The following ZNF280D variants were observed in gnomAD, a reference collection of about 807,000 sequenced individuals.
The protein encoded by ZNF280D is suppressor of hairy wing homolog 4.
A neutral mutation model predicts 94.7 loss-of-function variants in ZNF280D; 39 were observed. The observed-to-expected ratio is 0.41, with a 90% CI of 0.32 to 0.54. The LOEUF is 0.54. Among genes scored for constraint, ZNF280D ranks in the 20% least tolerant of loss-of-function variants. The pLI is 0.22. For synonymous variants in ZNF280D, 398 were observed against 377.6 expected (o/e 1.05, Z -0.63); for missense variants, 1,090 against 1,149.3 (o/e 0.95, Z 0.75).
At chr15:56,652,766 C>T (rs1488793108) in intron 19 of ZNF280D, 1 of 984,860 alleles carries the variant, frequency 1.0e-6, no homozygotes, top group African/African-American at 1.7e-5. Context: ...CACCTAAGAA[C>T]TCACAATTAA....
At chr15:56,675,073 CCT>C (rs1239834787) in intron 13 of ZNF280D, among the ~76,000 whole-genome samples, 1 of 151,952 alleles carries the variant, frequency 6.6e-6, no homozygotes, top group Non-Finnish European at 1.5e-5. Context: ...TAGACTGCCC[CCT>C]CTTTACTGCT....
At chr15:56,692,537 G>T (rs1052240205) in intron 7 of ZNF280D, among the ~76,000 whole-genome samples, 4 of 151,970 alleles carry the variant, frequency 2.6e-5, no homozygotes, top group African/African-American at 4.8e-5. Context: ...TACAATCAAA[G>T]AACTTTAAAT....
At chr15:56,728,718 C>A (rs561543659) in intron 1 of ZNF280D, among the ~76,000 whole-genome samples, 3 of 152,272 alleles carry the variant, frequency 2.0e-5, no homozygotes, top group African/African-American at 7.2e-5. Context: ...GTTCAACTTA[C>A]AACAATTTTC....
chr15:56,726,435 T>A (rs1227903267), intron 1 of ZNF280D, among the ~76,000 whole-genome samples: 1 of 152,148 alleles, frequency 6.6e-6, no homozygotes, highest in Non-Finnish European at 1.5e-5. Context: ...AAGGGAAAAT[T>A]TACTTACTAC....
At chr15:56,719,632 C>T (rs1211736683) in intron 1 of ZNF280D, among the ~76,000 whole-genome samples, 1 of 152,120 alleles carries the variant, frequency 6.6e-6, no homozygotes, top group Admixed American at 6.5e-5. Context: ...AGTCCTTCCT[C>T]TTTTACTACT....
chr15:56,652,306 T>A (rs2053253871), intron 19 of ZNF280D, among the ~76,000 whole-genome samples: 3 of 152,102 alleles, frequency 2.0e-5, no homozygotes, highest in African/African-American at 7.2e-5. Context: ...TCTTTAAAAT[T>A]TAAGAAATTA....
chr15:56,642,896 C>A (rs1454703202), intron 20 of ZNF280D, 56 bp downstream of exon 20: 1 of 1,273,244 alleles, frequency 7.9e-7, no homozygotes, highest in Non-Finnish European at 1.0e-6. Context: ...TTATATCATA[C>A]CAATAATACT....
Position 56,630,863 on chromosome 15 carries a change from G to A in ZNF280D, c.*635C>T, listed in dbSNP as rs1049995801. 1 of 152,188 alleles carries A rather than the reference G, an allele frequency of 6.6e-6. No homozygotes were observed. Among genetic ancestry groups the A allele is most frequent in the South Asian group, 2.1e-4 (1 of 4,834 alleles). The allele number at this position is 152,188 out of a possible 1,614,324, so 9.4% of individuals were successfully genotyped here. On this transcript the variant is annotated 3_prime_UTR_variant, in exon 22 of 22. Coordinates refer to ENST00000267807, the MANE Select transcript of ZNF280D (RefSeq NM_017661.4). ...CTTACAGCCTGGCAGGCTAACACTT[G>A]TATGGAGGTACAAAGATTCAAATAT...
Position 56,658,501 on chromosome 15 carries a change from G to T in ZNF280D, c.1995-15C>A. The T allele has an allele frequency of 6.5e-7, 1 of 1,533,220 alleles. No individual in the cohort carries two copies. The highest frequency in any genetic ancestry group is 8.7e-7 in the Non-Finnish European group (1 of 1,145,786). The allele number at this position is 1,533,220 out of a possible 1,614,324, so 95.0% of individuals were successfully genotyped here. ...TACTATGAAAGCTGGAGAAACAAAAGAGATAGTAAAAATTTTATTATACAA... is the reference window on the plus strand; with the variant it reads ...TACTATGAAAGCTGGAGAAACAAAATAGATAGTAAAAATTTTATTATACAA... On this transcript the variant is annotated splice_polypyrimidine_tract_variant and intron_variant, in intron 16 of 21. Transcript: ENST00000267807.
At chr15:56,636,310 G>A (rs1435912427) in intron 20 of ZNF280D, among the ~76,000 whole-genome samples, 1 of 152,004 alleles carries the variant, frequency 6.6e-6, no homozygotes, top group South Asian at 2.1e-4. Context: ...AGATCAATTT[G>A]CCCAGAGAAC....
chr15:56,683,389 C>T (rs903085074), intron 9 of ZNF280D, among the ~76,000 whole-genome samples: 3 of 152,070 alleles, frequency 2.0e-5, no homozygotes, highest in South Asian at 2.1e-4. Flanking sequence ...GAGCAAGCTA[C>T]GGAGGGGCAT....
intron 1 of ZNF280D, among the ~76,000 whole-genome samples, chr15:56,711,407 A>G (rs1250189238): frequency 2.0e-5 from 3 of 152,094 alleles, no homozygotes; most frequent in East Asian, 1.9e-4. Context: ...GCTCACACCT[A>G]TAATTCCAGC....
intron 16 of ZNF280D, among the ~76,000 whole-genome samples, chr15:56,663,376 G>A (rs1286094185): frequency 6.6e-6 from 1 of 152,016 alleles, no homozygotes; most frequent in Non-Finnish European, 1.5e-5. Context: ...ATGGATTGGG[G>A]CAGGTATGAG....
At chr15:56,645,568 C>T (rs576730985) in intron 19 of ZNF280D, among the ~76,000 whole-genome samples, 11 of 152,146 alleles carry the variant, frequency 7.2e-5, no homozygotes, top group South Asian at 4.1e-4. Flanking sequence ...TTTTTGCAGA[C>T]GGAGTTTCGT....
intron 9 of ZNF280D, among the ~76,000 whole-genome samples, chr15:56,682,977 T>G (rs2141011169): frequency 6.6e-6 from 1 of 152,210 alleles, no homozygotes; most frequent in East Asian, 1.9e-4. Context: ...GAAATGTGGA[T>G]AATCTTCTGT....
chr15:56,724,978 G>A, intron 1 of ZNF280D: 1 of 400,544 alleles, frequency 2.5e-6, no homozygotes, highest in Non-Finnish European at 4.9e-6. Context: ...CTGAGAGTCA[G>A]ATAATCTTAA....
chr15:56,687,317 G>A (rs1282881131), intron 9 of ZNF280D, among the ~76,000 whole-genome samples: 1 of 152,104 alleles, frequency 6.6e-6, no homozygotes, highest in South Asian at 2.1e-4. Flanking sequence ...AGTTCTGGTT[G>A]TTTCTACTGT....
intron 20 of ZNF280D, among the ~76,000 whole-genome samples, chr15:56,639,622 A>G (rs2052528030): frequency 6.6e-6 from 1 of 152,212 alleles, no homozygotes; most frequent in African/African-American, 2.4e-5. Flanking sequence ...AATACTGGAT[A>G]TAAGAAGATA....
intron 19 of ZNF280D, chr15:56,653,285 G>T: frequency 8.3e-7 from 1 of 1,200,926 alleles, no homozygotes; most frequent in Non-Finnish European, 1.0e-6. Flanking sequence ...GTGGTTTGAT[G>T]GGCTTTTCTT....
Sources: allele counts gnomAD v4.1 joint callset (sites outside exome capture counted in the v4.1 genomes callset), GRCh38; gene constraint gnomAD v4.1.1; transcripts MANE v1.5; gene names NCBI Gene and HGNC (gene_info 2026-07-23, HGNC 2026-07-21).